The following JDP2 variants were observed in gnomAD, a reference collection of about 807,000 sequenced individuals.
JDP2 encodes the protein progesterone receptor co-activator.
In JDP2, 9 loss-of-function variants were observed where a neutral mutation model predicts 17.1. The ratio of observed to expected loss-of-function variants is 0.53; its 90% CI spans 0.32 to 0.92. The LOEUF (loss-of-function observed/expected upper bound fraction) is 0.92. Among genes scored for constraint, JDP2 ranks in the 40% least tolerant of loss-of-function variants. The pLI, the probability that JDP2 is intolerant of heterozygous loss-of-function variation, is 0.04. For missense variants in JDP2, 179 were observed against 220.0 expected (o/e 0.81, Z 1.18); for synonymous variants, 107 against 95.6 (o/e 1.12, Z -0.69).
chr14:75,439,708 G>A (rs1191181028), intron 2 of JDP2, among the ~76,000 whole-genome samples: 1 of 152,220 alleles, frequency 6.6e-6, no homozygotes, highest in East Asian at 1.9e-4. Flanking sequence ...AATTGATCTT[G>A]TAAGCCAATG....
intron 2 of JDP2, among the ~76,000 whole-genome samples, chr14:75,453,577 G>A (rs762302633): frequency 1.3e-5 from 2 of 152,246 alleles, no homozygotes; most frequent in African/African-American, 4.8e-5. Flanking sequence ...CTGTGCTCCC[G>A]GCTCTGGGCT....
intron 2 of JDP2, among the ~76,000 whole-genome samples, chr14:75,448,067 C>T (rs201900049): frequency 6.6e-6 from 1 of 152,120 alleles, no homozygotes; most frequent in East Asian, 1.9e-4. Context: ...TATCAGAAAC[C>T]TGCAACTATC....
chr14:75,463,940 C>T (rs1191451787), intron 3 of JDP2, among the ~76,000 whole-genome samples: 2 of 152,200 alleles, frequency 1.3e-5, no homozygotes, highest in Non-Finnish European at 2.9e-5. Context: ...GGAGGGGAGA[C>T]GCACACCTTC....
At chr14:75,427,775 C>G (rs1884588148), upstream of JDP2, 1 of 152,362 alleles carries the variant, frequency 6.6e-6, no homozygotes, top group South Asian at 2.1e-4. The surrounding 1 kb of genome is among the most constrained non-coding windows in gnomAD (Gnocchi z 4.4). Flanking sequence ...TGCATGGAAC[C>G]CGGGACGCCC....
intron 2 of JDP2, among the ~76,000 whole-genome samples, chr14:75,456,891 T>C (rs1218318267): frequency 6.6e-6 from 1 of 152,200 alleles, no homozygotes; most frequent in Non-Finnish European, 1.5e-5. Context: ...GAGGCGGGGC[T>C]GCTCTGCACG....
intron 3 of JDP2, 131 bp downstream of exon 3, chr14:75,461,661 C>T: frequency 2.9e-6 from 2 of 693,690 alleles, no homozygotes; most frequent in South Asian, 1.7e-5. Context: ...GCAGCCTTGG[C>T]CCCTCTGCTC....
chr14:75,451,319 G>C (rs1169007527), intron 2 of JDP2, among the ~76,000 whole-genome samples: 1 of 151,874 alleles, frequency 6.6e-6, no homozygotes, highest in Non-Finnish European at 1.5e-5. Flanking sequence ...CAGTGGGGGT[G>C]GATGGGGGGA....
In JDP2 at chr14:75,428,815, T is replaced by G. The variant is rs1318086692; in HGVS notation, c.-24+563T>G. On this transcript the variant is annotated intron_variant, in intron 1 of 3. Transcript: ENST00000651602. The surrounding 1 kb of genome is among the most constrained non-coding windows in gnomAD (Gnocchi z 5.6). ...GGGATTTCCATCCAATGAAGGCAGC[T>G]TCTCTCATGGCCATTGCTTCGGAGC... Among the ~76,000 whole-genome samples the G allele has an allele frequency of 6.6e-6, 1 of 152,154 alleles. No individual in the cohort carries two copies. Among genetic ancestry groups the G allele is most frequent in the African/African-American group, 2.4e-5 (1 of 41,440 alleles).
chr14:75,468,418 C>CA (rs1396618606), intron 3 of JDP2, among the ~76,000 whole-genome samples: 1 of 152,180 alleles, frequency 6.6e-6, no homozygotes, highest in Non-Finnish European at 1.5e-5. Flanking sequence ...TGCCAAGTCT[C>CA]AAAGTTTTCA....
At chr14:75,436,622 G>A (rs1410149928) in intron 1 of JDP2, among the ~76,000 whole-genome samples, 1 of 152,382 alleles carries the variant, frequency 6.6e-6, no homozygotes, top group East Asian at 1.9e-4. Context: ...CCTAGTGCCT[G>A]CTGGCCTATA....
chr14:75,457,696 C>T (rs1886174488), intron 2 of JDP2, among the ~76,000 whole-genome samples: 1 of 152,202 alleles, frequency 6.6e-6, no homozygotes, highest in Admixed American at 6.5e-5. Context: ...TCAGCACACA[C>T]CCTAAGTTTT....
At chr14:75,438,723 G>A (rs1328603044) in intron 2 of JDP2, among the ~76,000 whole-genome samples, 1 of 152,184 alleles carries the variant, frequency 6.6e-6, no homozygotes, top group Non-Finnish European at 1.5e-5. Context: ...GGACCCACAC[G>A]TGGAGCACCC....
chr14:75,445,025 T>C, intron 2 of JDP2: 2 of 830,292 alleles, frequency 2.4e-6, no homozygotes, highest in Non-Finnish European at 2.9e-6. Flanking sequence ...AACAATCTTT[T>C]AGCAGCCTTA....
chr14:75,432,243 C>T (rs576745274), intron 1 of JDP2: 57 of 1,400,802 alleles, frequency 4.1e-5, no homozygotes, highest in African/African-American at 1.3e-4. Context: ...GCGTGACCTA[C>T]GTCATTCAGA....
At chr14:75,437,505 T>C (rs1885123465) in intron 1 of JDP2, among the ~76,000 whole-genome samples, 1 of 152,214 alleles carries the variant, frequency 6.6e-6, no homozygotes, top group Non-Finnish European at 1.5e-5. Flanking sequence ...CAATTTTAAC[T>C]GTGTACAACC....
chr14:75,469,233 C>A, intron 3 of JDP2, 57 bp from the exon 4 acceptor site: 1 of 1,542,596 alleles, frequency 6.5e-7, no homozygotes. Context: ...CAGGCAGAGC[C>A]TCTCCCCAGA....
chr14:75,460,857 A>T (rs150414049), intron 2 of JDP2, among the ~76,000 whole-genome samples: 1 of 152,196 alleles, frequency 6.6e-6, no homozygotes, highest in African/African-American at 2.4e-5. Flanking sequence ...TTGTGTTACT[A>T]TCACAGAATA....
At chr14:75,458,174 T>C (rs1886198599) in intron 2 of JDP2, among the ~76,000 whole-genome samples, 1 of 151,972 alleles carries the variant, frequency 6.6e-6, no homozygotes, top group African/African-American at 2.4e-5. Context: ...TTCTTTTTCT[T>C]TTTTAACTTT....
At chr14:75,465,985 C>A (rs972020063) in intron 3 of JDP2, among the ~76,000 whole-genome samples, 9 of 151,958 alleles carry the variant, frequency 5.9e-5, no homozygotes, top group Non-Finnish European at 1.5e-5. Flanking sequence ...ATTAGGAAAA[C>A]AAATTAGATA....
Sources: gnomAD v4.1 joint callset for allele counts (sites outside exome capture counted in the v4.1 genomes callset) on GRCh38, gnomAD v4.1.1 for gene constraint, Gnocchi (gnomAD v3.1) non-coding constraint, MANE v1.5 for transcripts, NCBI Gene and HGNC (gene_info 2026-07-23, HGNC 2026-07-21) for gene names.